HSD11B1: variants seen among roughly 807,000 people sequenced by gnomAD.
The protein encoded by HSD11B1 is 11-beta-hydroxysteroid dehydrogenase 1.
Under a neutral mutation model 22.1 loss-of-function variants are expected in HSD11B1, and 15 were observed. That is an observed-to-expected ratio of 0.68 (90% CI 0.45 to 1.04). The LOEUF (loss-of-function observed/expected upper bound fraction) is 1.04. Ranked by LOEUF, HSD11B1 falls within the 50% of genes least tolerant of loss-of-function variation. The probability of loss-of-function intolerance (pLI) is 0.00; values close to 1 mark genes in which losing one functional copy is unlikely to be tolerated. For synonymous variants in HSD11B1, 122 were observed against 125.2 expected, an observed-to-expected ratio of 0.97 and a Z score of 0.17; for missense variants, 281 against 357.6, an observed-to-expected ratio of 0.79 and a Z score of 1.73.
At chr1:209,711,970 G>C (rs1325399736) in intron 4 of HSD11B1, among the ~76,000 whole-genome samples, 1 of 152,156 alleles carries the variant, frequency 6.6e-6, no homozygotes, top group Non-Finnish European at 1.5e-5. Context: ...TTCTGGAAAG[G>C]CTCGGCTGAA....
chr1:209,705,075 C>T (rs2076848537), intron 1 of HSD11B1, 45 bp downstream of exon 1: 1 of 1,450,384 alleles, frequency 6.9e-7, no homozygotes, highest in Non-Finnish European at 9.7e-7. Context: ...GTTTAAAAAA[C>T]ACAGGGGTGC....
At chr1:209,722,336 A>G (rs2076971778) in intron 4 of HSD11B1, among the ~76,000 whole-genome samples, 1 of 152,218 alleles carries the variant, frequency 6.6e-6, no homozygotes, top group African/African-American at 2.4e-5. Flanking sequence ...GTGATCAGCC[A>G]AAACTTTGCC....
At chr1:209,711,856 G>A (rs1474238925) in intron 4 of HSD11B1, among the ~76,000 whole-genome samples, 2 of 152,138 alleles carry the variant, frequency 1.3e-5, no homozygotes, top group African/African-American at 4.8e-5. Flanking sequence ...AAGGAGTGGG[G>A]GAGATTTGAA....
At chr1:209,695,642 T>C (rs1387420261) in intron 1 of HSD11B1, among the ~76,000 whole-genome samples, 1 of 152,000 alleles carries the variant, frequency 6.6e-6, no homozygotes, top group Non-Finnish European at 1.5e-5. Flanking sequence ...ACCCTGTCTC[T>C]AATAAAAATA....
In HSD11B1 at chr1:209,734,587, T is replaced by A; in HGVS notation, c.*66T>A. 1 of 1,181,662 alleles carries A rather than the reference T, an allele frequency of 8.5e-7. No individual in the cohort carries two copies. Among genetic ancestry groups the A allele is most frequent in the Non-Finnish European group, 1.3e-6 (1 of 795,708 alleles). The allele number at this position is 1,181,662 out of a possible 1,614,324, so 73.2% of individuals were successfully genotyped here. A position where few individuals can be genotyped will look rare whatever the true frequency, so the allele number is the denominator to read the frequency against. On this transcript the variant is annotated 3_prime_UTR_variant, in exon 6 of 6. Coordinates refer to ENST00000367027, the MANE Select transcript of HSD11B1 (RefSeq NM_005525.4). Reference sequence around the variant, plus strand: ...TGTTCTGTCTCATGTTTATCTGAGCTCTTATCTATGAAGACATCTTCCCAG... The same window carrying A: ...TGTTCTGTCTCATGTTTATCTGAGCACTTATCTATGAAGACATCTTCCCAG...
intron 1 of HSD11B1, among the ~76,000 whole-genome samples, chr1:209,697,883 C>CTTTTTTTTTTTTTTT (rs1558187212): frequency 1.4e-4 from 3 of 21,914 alleles, no homozygotes; most frequent in African/African-American, 1.7e-4. Context: ...TTTGTTTTTT[C>CTTTTTTTTTTTTTTT]CTTTTTTTTT....
intron 4 of HSD11B1, among the ~76,000 whole-genome samples, chr1:209,732,008 G>A (rs769793621): frequency 4.7e-4 from 71 of 152,236 alleles, no homozygotes; most frequent in Non-Finnish European, 8.1e-4. Flanking sequence ...CACCTGGCCA[G>A]GACAGGCAGT....
chr1:209,698,629 CCT>C (rs1553287689), intron 1 of HSD11B1, among the ~76,000 whole-genome samples: 1 of 152,220 alleles, frequency 6.6e-6, no homozygotes, highest in Non-Finnish European at 1.5e-5. Context: ...TACATGGCCC[CCT>C]CTCTCTTCTA....
intron 4 of HSD11B1, 99 bp downstream of exon 4, chr1:209,707,227 A>G: frequency 9.7e-7 from 1 of 1,031,974 alleles, no homozygotes; most frequent in Non-Finnish European, 1.5e-6. Context: ...ATCAGTTTCC[A>G]TGCAGAGAAG....
chr1:209,705,649 C>G (rs1354007932), intron 1 of HSD11B1, among the ~76,000 whole-genome samples, 162 bp from the exon 2 acceptor site: 3 of 152,192 alleles, frequency 2.0e-5, no homozygotes, highest in Non-Finnish European at 4.4e-5. Context: ...TTATGAAAGA[C>G]CTGGCCTGTT....
intron 4 of HSD11B1, among the ~76,000 whole-genome samples, chr1:209,730,161 T>C (rs1335329857): frequency 6.6e-6 from 1 of 152,146 alleles, no homozygotes; most frequent in Non-Finnish European, 1.5e-5. Context: ...ATAAAGGGTA[T>C]CCCAGTTGAA....
chr1:209,704,457 G>A (rs1331673298), upstream of HSD11B1, among the ~76,000 whole-genome samples: 3 of 151,442 alleles, frequency 2.0e-5, no homozygotes, highest in South Asian at 4.2e-4. Flanking sequence ...ACTGGGTGGG[G>A]GGGTAGGGGG....
chr1:209,733,833 A>G (rs1051528043), intron 5 of HSD11B1, among the ~76,000 whole-genome samples: 37 of 152,128 alleles, frequency 2.4e-4, no homozygotes, highest in Admixed American at 4.6e-4. Flanking sequence ...AGGGGAGAGA[A>G]GTGAAAGTGG....
chr1:209,697,133 T>G (rs2076795942), intron 1 of HSD11B1, among the ~76,000 whole-genome samples: 1 of 152,196 alleles, frequency 6.6e-6, no homozygotes. Context: ...TGCCTCTGCT[T>G]GCCTCTCCAG....
intron 4 of HSD11B1, among the ~76,000 whole-genome samples, chr1:209,711,594 G>A (rs1281147790): frequency 6.6e-6 from 1 of 152,136 alleles, no homozygotes; most frequent in Non-Finnish European, 1.5e-5. Flanking sequence ...GTGTTGGGGG[G>A]ATGGGTAGAA....
At chr1:209,733,716 T>C (rs969528186) in intron 5 of HSD11B1, among the ~76,000 whole-genome samples, 4 of 151,808 alleles carry the variant, frequency 2.6e-5, no homozygotes, top group East Asian at 1.9e-4. Context: ...TGAAGAGTAA[T>C]TGAGCAACAG....
At chr1:209,700,909 T>C (rs994362376), upstream of HSD11B1, among the ~76,000 whole-genome samples, 1 of 152,212 alleles carries the variant, frequency 6.6e-6, no homozygotes, top group Non-Finnish European at 1.5e-5. Context: ...TCTGCTCCAG[T>C]TCCCAACAAG....
Position 209,706,081 on chromosome 1 carries a change from C to A in HSD11B1, c.219+140C>A. ...GCACACACACAGACACTTAATTTTG[C>A]ACTCTCATATATAGATTCAAACACC... is the stretch of plus-strand genomic sequence containing the variant. On this transcript the variant is annotated intron_variant, in intron 2 of 5. Coordinates refer to ENST00000367027, the MANE Select transcript of HSD11B1 (RefSeq NM_005525.4). This position sits in a 1 kb window ranked among gnomAD's most constrained non-coding sequence, Gnocchi z 4.0. 9.1e-7 allele frequency: 1 copy of A among 1,094,574 alleles called. No homozygotes were observed. The highest frequency in any genetic ancestry group is 1.4e-6 in the Non-Finnish European group (1 of 732,856). The allele number at this position is 1,094,574 out of a possible 1,614,324, so 67.8% of individuals were successfully genotyped here.
intron 4 of HSD11B1, among the ~76,000 whole-genome samples, chr1:209,716,708 A>G (rs2102384014): frequency 6.6e-6 from 1 of 152,350 alleles, no homozygotes; most frequent in South Asian, 2.1e-4. Context: ...TGGTAGGAAA[A>G]TAGACAAAAC....
Sources: gnomAD v4.1 joint callset for allele counts (sites outside exome capture counted in the v4.1 genomes callset) on GRCh38, gnomAD v4.1.1 for gene constraint, Gnocchi (gnomAD v3.1) non-coding constraint, MANE v1.5 for transcripts, NCBI Gene and HGNC (gene_info 2026-07-23, HGNC 2026-07-21) for gene names.